The following ENTREP2 variants were observed in gnomAD, a reference collection of about 807,000 sequenced individuals.
ENTREP2 encodes endosomal transmembrane epsin interactor 2, also known as protein ENTREP2.
chr15:29,163,519 A>C, the ENTREP2 span, among the ~76,000 whole-genome samples: 4 of 152,136 alleles, frequency 2.6e-5, no homozygotes, highest in Non-Finnish European at 5.9e-5. Context: ...AGTAATGCAA[A>C]ATGCTCTGGA....
the ENTREP2 span, among the ~76,000 whole-genome samples, chr15:29,640,161 A>G: frequency 6.6e-6 from 1 of 152,226 alleles, no homozygotes; most frequent in Non-Finnish European, 1.5e-5. Flanking sequence ...TACTAAAATC[A>G]GAAATGAATG....
At chr15:29,151,878 C>T in the ENTREP2 span, 3 of 1,472,560 alleles carry the variant, frequency 2.0e-6, no homozygotes. Context: ...CAGCCTCATC[C>T]CGAAATAGAT....
chr15:29,583,045 A>T, the ENTREP2 span, among the ~76,000 whole-genome samples: 16 of 152,228 alleles, frequency 1.1e-4, no homozygotes, highest in Admixed American at 1.0e-3. Context: ...ATATATTGGA[A>T]TAAAATTTCT....
chr15:29,656,161 T>A, the ENTREP2 span, among the ~76,000 whole-genome samples: 1 of 151,822 alleles, frequency 6.6e-6, no homozygotes, highest in African/African-American at 2.4e-5. Flanking sequence ...GAATTTTTCA[T>A]ATAAACAAAA....
At chr15:29,226,201 T>C in the ENTREP2 span, among the ~76,000 whole-genome samples, 47 of 152,344 alleles carry the variant, frequency 3.1e-4, no homozygotes, top group African/African-American at 8.2e-4. Flanking sequence ...CATGGACAGA[T>C]AGATATTTCT....
the ENTREP2 span, among the ~76,000 whole-genome samples, chr15:29,650,519 G>C: frequency 1.6e-4 from 25 of 152,190 alleles, no homozygotes; most frequent in African/African-American, 5.3e-4. Flanking sequence ...CTTGAACCTG[G>C]GAGGCGGAGG....
the ENTREP2 span, chr15:29,234,872 ATTG>A: frequency 1.4e-6 from 2 of 1,466,262 alleles, no homozygotes; most frequent in Non-Finnish European, 9.6e-7. Context: ...CCCCGAACGA[ATTG>A]TTGTCAAAAC....
At chr15:29,268,210 A>C in the ENTREP2 span, 1 of 152,274 alleles carries the variant, frequency 6.6e-6, no homozygotes, top group Non-Finnish European at 1.5e-5. Context: ...GAAAAAAACG[A>C]AGTGGAACTA....
chr15:29,256,169 G>A, the ENTREP2 span, among the ~76,000 whole-genome samples: 1 of 152,140 alleles, frequency 6.6e-6, no homozygotes, highest in African/African-American at 2.4e-5. Flanking sequence ...GGGGACAACA[G>A]GCACTGAGGA....
chr15:29,664,170 C>T, the ENTREP2 span, among the ~76,000 whole-genome samples: 1 of 152,194 alleles, frequency 6.6e-6, no homozygotes, highest in Non-Finnish European at 1.5e-5. Context: ...TTTCTCAATG[C>T]TGTGAGCTTT....
At chr15:29,672,571 C>T in the ENTREP2 span, among the ~76,000 whole-genome samples, 1 of 152,042 alleles carries the variant, frequency 6.6e-6, no homozygotes, top group Non-Finnish European at 1.5e-5. Context: ...TCACCACACA[C>T]GGTCCATGTG....
the ENTREP2 span, among the ~76,000 whole-genome samples, chr15:29,148,293 T>G: frequency 6.6e-6 from 1 of 152,282 alleles, no homozygotes; most frequent in Non-Finnish European, 1.5e-5. Context: ...ATAGGTGAAT[T>G]GTATCTCAAG....
At chr15:29,669,341 T>C in the ENTREP2 span, among the ~76,000 whole-genome samples, 853 of 152,268 alleles carry the variant, frequency 5.6e-3, 9 homozygotes, top group African/African-American at 0.02. Flanking sequence ...CAGAGTGGAA[T>C]TGGTGGCTTT....
the ENTREP2 span, among the ~76,000 whole-genome samples, chr15:29,623,969 C>T: frequency 6.6e-6 from 1 of 152,136 alleles, no homozygotes; most frequent in African/African-American, 2.4e-5. Flanking sequence ...AACTCCTGAC[C>T]TCAGGTGATC....
the ENTREP2 span, among the ~76,000 whole-genome samples, chr15:29,183,612 C>T: frequency 6.6e-6 from 1 of 152,208 alleles, no homozygotes; most frequent in African/African-American, 2.4e-5. Flanking sequence ...ACGAAGATGA[C>T]TAAGGCAACC....
the ENTREP2 span, among the ~76,000 whole-genome samples, chr15:29,551,791 G>T: frequency 6.6e-6 from 1 of 152,018 alleles, no homozygotes; most frequent in Non-Finnish European, 1.5e-5. Context: ...GGTCCTCGTG[G>T]CTTTTTGGAA....
At chr15:29,188,015 G>T in the ENTREP2 span, among the ~76,000 whole-genome samples, 1 of 152,218 alleles carries the variant, frequency 6.6e-6, no homozygotes, top group Non-Finnish European at 1.5e-5. Flanking sequence ...TGGCTGAACA[G>T]GTGGACATGG....
At chr15:29,638,728 T>C in the ENTREP2 span, among the ~76,000 whole-genome samples, 398 of 152,326 alleles carry the variant, frequency 2.6e-3, 5 homozygotes, top group African/African-American at 9.2e-3. Context: ...GTTTAAAAAT[T>C]AGCCGGGCGT....
the ENTREP2 span, among the ~76,000 whole-genome samples, chr15:29,191,056 A>G: frequency 6.6e-6 from 1 of 152,156 alleles, no homozygotes; most frequent in South Asian, 2.1e-4. Flanking sequence ...CTGCTGCCCA[A>G]GAGTTTTAAT....
Sources: gnomAD v4.1 joint callset for allele counts (sites outside exome capture counted in the v4.1 genomes callset) on GRCh38, gnomAD v4.1.1 for gene constraint, MANE v1.5 for transcripts, NCBI Gene and HGNC (gene_info 2026-07-23, HGNC 2026-07-21) for gene names.